Variants in USP13 observed in about 807,000 individuals in gnomAD.
The protein encoded by USP13 is ubiquitin carboxyl-terminal hydrolase 13.
In USP13, 68 loss-of-function variants were observed where a neutral mutation model predicts 107.8. The ratio of observed to expected loss-of-function variants is 0.63; its 90% confidence interval spans 0.52 to 0.77. USP13 has a LOEUF of 0.77. USP13 is among the 30% of genes least tolerant of loss of function. USP13 has a pLI of 0.00. For missense variants in USP13, 945 were observed against 1,093.3 expected (o/e 0.86, Z 1.91); for synonymous variants, 377 against 389.5 (o/e 0.97, Z 0.38).
At chr3:179,674,506 G>C (rs1022709790) in intron 1 of USP13, among the ~76,000 whole-genome samples, 8 of 152,094 alleles carry the variant, frequency 5.3e-5, no homozygotes, top group African/African-American at 1.9e-4. Context: ...TTTAAATAAT[G>C]TTGCAGTATT....
intron 10 of USP13, among the ~76,000 whole-genome samples, chr3:179,737,652 G>A (rs2268934): frequency 0.077 from 11,778 of 152,238 alleles, 967 homozygotes; most frequent in African/African-American, 0.19. Flanking sequence ...AACTGAAGCC[G>A]TGTATGTGTG....
In USP13 at chr3:179,707,014, G is replaced by A; in HGVS notation, c.558G>A (p.Leu186=). 1.2e-6 allele frequency: 2 copies of A among 1,614,146 alleles called. No individual in the cohort carries two copies. Reference sequence around the variant, plus strand: ...ACCCAGACACGTGGGAAAATGAATTGCCAGTATCTAAATATGCCAACAACC... The same window carrying A: ...ACCCAGACACGTGGGAAAATGAATTACCAGTATCTAAATATGCCAACAACC... The part of the protein sequence containing the change: ...KQDPDTWENE[L]PVSKYANNLT... Residue 186 remains leucine (L), a synonymous_variant, in exon 5 of 21, where the codon TTG becomes TTA. Transcript: ENST00000263966.
rs1713324618 is a variant in USP13, at chr3:179,721,674, C to T, written c.1088+85C>T. 1 of 1,442,612 alleles carries T rather than the reference C, an allele frequency of 6.9e-7. No individual in the cohort carries two copies. The highest frequency in any genetic ancestry group is 9.4e-7 in the Non-Finnish European group (1 of 1,069,024). The allele number at this position is 1,442,612 out of a possible 1,614,324, so 89.4% of individuals were successfully genotyped here. A position where few individuals can be genotyped will look rare whatever the true frequency, so the allele number is the denominator to read the frequency against. On this transcript the variant is annotated intron_variant, in intron 8 of 20. Coordinates refer to ENST00000263966, the MANE Select transcript of USP13 (RefSeq NM_003940.3). The surrounding 1 kb of genome is among the most constrained non-coding windows in gnomAD (Gnocchi z 4.3). ...TCCACTCAGTGTGCGCTGCGAAGCC[C>T]ATCTTTATTGCTTCAGGACATTTTG...
chr3:179,781,170 G>T (rs1169088416), intron 19 of USP13, among the ~76,000 whole-genome samples: 1 of 152,144 alleles, frequency 6.6e-6, no homozygotes, highest in African/African-American at 2.4e-5. Flanking sequence ...CTGAAGTTTG[G>T]TCCCACCTAC....
Position 179,706,960 on chromosome 3 carries a change from C to T in USP13, c.504C>T (p.Leu168=), listed in dbSNP as rs965224523. The part of the protein sequence containing the change: ...ALVTIACDAV[L]SSKSPYRKQD... The stretch of plus-strand genomic sequence containing the variant: ...TAACAATTGCTTGTGATGCAGTTCT[C>T]AGCTCAAAATCTCCATACAGAAAGC... The change falls in exon 5 of 21, where the codon CTC becomes CTT. Residue 168 remains leucine (L), a synonymous_variant. Transcript: ENST00000263966. The T allele has an allele frequency of 6.2e-7, 1 of 1,613,982 alleles. No homozygotes were observed.
rs1406320382 is a variant in USP13, at chr3:179,657,083, T to TAA, written c.168+3691_168+3692dup. 2.0e-5 allele frequency among the ~76,000 whole-genome samples: 3 copies of TAA among 152,254 alleles called. No homozygotes were observed. The East Asian group carries it at 5.8e-4, about 29-fold the overall frequency. ...AATCCTATCTCCGTCACTCAGTGTGTAACTTCTCTGAGCCCCAGTTTCTCC... is the reference window on the plus strand; with the variant it reads ...AATCCTATCTCCGTCACTCAGTGTGTAAAACTTCTCTGAGCCCCAGTTTCTCC... On this transcript the variant is annotated intron_variant, in intron 1 of 20. Transcript: ENST00000263966.
At chr3:179,655,899 G>T (rs1039401144) in intron 1 of USP13, among the ~76,000 whole-genome samples, 1 of 152,148 alleles carries the variant, frequency 6.6e-6, no homozygotes, top group Non-Finnish European at 1.5e-5. Context: ...TCCAATAAGG[G>T]ATTCTTCAGC....
At chr3:179,697,076 A>G (rs993101107) in intron 3 of USP13, among the ~76,000 whole-genome samples, 24 of 152,200 alleles carry the variant, frequency 1.6e-4, no homozygotes, top group African/African-American at 5.8e-4. Flanking sequence ...TGTGTCTGAA[A>G]GTGGAACTTC....
At chr3:179,761,295 TG>T in intron 17 of USP13, 40 bp downstream of exon 17, 2 of 1,610,810 alleles carry the variant, frequency 1.2e-6, no homozygotes, top group Middle Eastern at 1.7e-4. Context: ...GAGTCTGATG[TG>T]ACCCTCAGTG....
intron 6 of USP13, among the ~76,000 whole-genome samples, chr3:179,711,159 A>G (rs9875377): frequency 0.23 from 35,287 of 152,190 alleles, 4,415 homozygotes; most frequent in Admixed American, 0.31. Flanking sequence ...GCTTTTGGAC[A>G]TTTTTGTAGT....
At chr3:179,755,458 T>G (rs1714758079) in intron 15 of USP13, among the ~76,000 whole-genome samples, 1 of 152,032 alleles carries the variant, frequency 6.6e-6, no homozygotes, top group Admixed American at 6.5e-5. Flanking sequence ...CCATGCCTGC[T>G]TAATTTTTTT....
Position 179,678,965 on chromosome 3 carries a change from T to C in USP13, c.169-2913T>C, listed in dbSNP as rs1196798759. 6.6e-6 allele frequency among the ~76,000 whole-genome samples: 1 copy of C among 152,234 alleles called. No individual in the cohort carries two copies. Among genetic ancestry groups the C allele is most frequent in the Non-Finnish European group, 1.5e-5 (1 of 68,036 alleles). Reference sequence around the variant, plus strand: ...GACCACTTTACTTCTTTCTTTGTGATCTTTATACCTTTTATTTATTTATTT... The same window carrying C: ...GACCACTTTACTTCTTTCTTTGTGACCTTTATACCTTTTATTTATTTATTT... On this transcript the variant is annotated intron_variant, in intron 1 of 20. Coordinates refer to ENST00000263966, the MANE Select transcript of USP13 (RefSeq NM_003940.3). The surrounding 1 kb of genome is among the most constrained non-coding windows in gnomAD (Gnocchi z 4.2).
rs1192610955 is a variant in USP13, at chr3:179,776,799, A to G, written c.2414-4940A>G. On this transcript the variant is annotated intron_variant, in intron 19 of 20. Coordinates refer to ENST00000263966, the MANE Select transcript of USP13 (RefSeq NM_003940.3). ...TAAACATTTCAAAATTTTGACTTTC[A>G]TCAGAAAAACTTAAATATTTTTTAG... Among the ~76,000 whole-genome samples, 8 of 151,434 alleles carry G rather than the reference A, an allele frequency of 5.3e-5. 1 individual carries two copies. In the South Asian group the frequency reaches 1.0e-3, roughly 20 times the overall value.
At chr3:179,664,222 G>A (rs1235742291) in intron 1 of USP13, among the ~76,000 whole-genome samples, 1 of 151,612 alleles carries the variant, frequency 6.6e-6, no homozygotes, top group African/African-American at 2.4e-5. Context: ...CTGGGTTCAA[G>A]CTGGGATTAC....
At position 179,653,504 on chromosome 3, in the gene USP13, CAG is replaced by C; in HGVS notation, c.168+114_168+115del. On this transcript the variant is annotated intron_variant, in intron 1 of 20. Coordinates refer to ENST00000263966, the MANE Select transcript of USP13 (RefSeq NM_003940.3). The surrounding 1 kb of genome is among the most constrained non-coding windows in gnomAD (Gnocchi z 4.0). ...GGACCTCTTCTCTTCCTCCGGGCGG[CAG>C]AGTTGGCTCAGGAACACTGCAGTTC... The C allele has an allele frequency of 7.0e-7, 1 of 1,427,910 alleles. No individual in the cohort carries two copies. The highest frequency in any genetic ancestry group is 1.4e-5 in the South Asian group (1 of 72,290). The allele number at this position is 1,427,910 out of a possible 1,614,324, so 88.5% of individuals were successfully genotyped here.
At chr3:179,782,788 C>T (rs1165883720) in intron 20 of USP13, among the ~76,000 whole-genome samples, 2 of 152,160 alleles carry the variant, frequency 1.3e-5, no homozygotes, top group African/African-American at 2.4e-5. Flanking sequence ...TCTTATTGCC[C>T]AGGCTGGAGT....
chr3:179,683,536 A>G (rs1258050840), intron 2 of USP13, among the ~76,000 whole-genome samples: 10 of 152,210 alleles, frequency 6.6e-5, no homozygotes, highest in Admixed American at 6.5e-4. Flanking sequence ...GTCACATCTT[A>G]CGTGGATGGT....
At chr3:179,750,849 T>C (rs1714584870) in intron 13 of USP13, among the ~76,000 whole-genome samples, 1 of 152,136 alleles carries the variant, frequency 6.6e-6, no homozygotes, top group African/African-American at 2.4e-5. Context: ...AGATTTGGAG[T>C]GAATGAAGTG....
At chr3:179,699,015 C>T (rs1355873771) in intron 3 of USP13, among the ~76,000 whole-genome samples, 1 of 151,872 alleles carries the variant, frequency 6.6e-6, no homozygotes, top group African/African-American at 2.4e-5. Context: ...ATTACAGGTG[C>T]GTGCCACCAC....
Sources: gnomAD v4.1 joint callset for allele counts (sites outside exome capture counted in the v4.1 genomes callset) on GRCh38, gnomAD v4.1.1 for gene constraint, Gnocchi (gnomAD v3.1) non-coding constraint, MANE v1.5 for transcripts, NCBI Gene and HGNC (gene_info 2026-07-23, HGNC 2026-07-21) for gene names.